Variants in VWA5B1 observed in about 807,000 individuals in gnomAD.
VWA5B1 encodes the protein von Willebrand factor A domain containing 5B1.
Under a neutral mutation model 118.2 loss-of-function variants are expected in VWA5B1, and 115 were observed. The observed-to-expected ratio is 0.97, with a 90% CI of 0.84 to 1.14. VWA5B1 has a LOEUF of 1.14. VWA5B1 is among the 50% of genes most tolerant of loss of function. The pLI is 0.00. For synonymous variants in VWA5B1, 682 were observed against 658.4 expected (o/e 1.04, Z -0.55); for missense variants, 1,596 against 1,603.8 (o/e 1.00, Z 0.08).
chr1:20,323,299 C>T, intron 7 of VWA5B1, 57 bp from the exon 8 acceptor site: 2 of 1,380,494 alleles, frequency 1.4e-6, no homozygotes, highest in Non-Finnish European at 1.9e-6. Flanking sequence ...CAGCATGAGT[C>T]CCCAGGAGTA....
chr1:20,305,899 G>A (rs1379041877), intron 1 of VWA5B1, among the ~76,000 whole-genome samples: 1 of 152,020 alleles, frequency 6.6e-6, no homozygotes, highest in Non-Finnish European at 1.5e-5. Context: ...CGGAACCCAT[G>A]CAAAACCCAG....
At chr1:20,326,771 T>C (rs898290242) in intron 8 of VWA5B1, among the ~76,000 whole-genome samples, 8 of 152,232 alleles carry the variant, frequency 5.3e-5, no homozygotes, top group African/African-American at 1.9e-4. Flanking sequence ...TTAAAGCCTC[T>C]GTCATTAGTC....
rs1399282151 is a variant in VWA5B1 at position 20,318,616 on chromosome 1, C to T, written c.736C>T (p.Arg246Cys). Residue 246 changes from arginine (R) to cysteine (C), a missense_variant, in exon 6 of 22, where the codon CGT (arginine) becomes TGT (cysteine). By Grantham distance (180) the Arg-to-Cys change is radical (BLOSUM62 -3). Coordinates refer to ENST00000289815, the MANE Select transcript of VWA5B1 (RefSeq NM_001039500.3). Reference protein sequence around the residue: ...AGVESPTHEIRADAAPSARSA... With the variant: ...AGVESPTHEICADAAPSARSA... ...GGTGGAGAGTCCCACTCATGAGATT[C>T]GTGCCGACGCCGCCCCATCTGCCCG... 21 of 1,551,220 alleles carry T rather than the reference C, an allele frequency of 1.4e-5. No individual in the cohort carries two copies. Among genetic ancestry groups the T allele is most frequent in the African/African-American group, 2.7e-5 (2 of 73,014 alleles).
At position 20,342,298 on chromosome 1, in the gene VWA5B1, A is replaced by G. The variant is rs1280629500; in HGVS notation, c.2134-134A>G. ...CCAGGAGGAGCTGCTGTGCCCCAGG[A>G]AAGAGCTGGTGGGGTGGGGGTGGGG... On this transcript the variant is annotated intron_variant, in intron 14 of 21. Transcript: ENST00000289815. 3.3e-6 allele frequency: 3 copies of G among 900,778 alleles called. No homozygotes were observed. In the Admixed American group the frequency reaches 8.0e-5, roughly 24 times the overall value. 55.8% of individuals were successfully genotyped at this position (900,778 alleles called of 1,614,324 possible). A position where few individuals can be genotyped will look rare whatever the true frequency, so the allele number is the denominator to read the frequency against.
rs540894455 is a variant in VWA5B1, at chr1:20,306,352, C to T, written c.-26-4224C>T. Among the ~76,000 whole-genome samples, 198 of 151,844 alleles carry T rather than the reference C, an allele frequency of 1.3e-3. 3 individuals carry two copies. Among genetic ancestry groups the T allele is most frequent in the Non-Finnish European group, 6.6e-4 (45 of 67,934 alleles). ...CTCAGATCAATGGGGGCTTGAGGGA[C>T]GTGGGGGCCATCAGGGAGTTTGAGC... On this transcript the variant is annotated intron_variant, in intron 1 of 21. Coordinates refer to ENST00000289815, the MANE Select transcript of VWA5B1 (RefSeq NM_001039500.3).
chr1:20,318,072 G>A (rs114975243), intron 5 of VWA5B1, among the ~76,000 whole-genome samples: 114 of 149,484 alleles, frequency 7.6e-4, no homozygotes, highest in Middle Eastern at 3.4e-3. Flanking sequence ...TGAGTTCCAG[G>A]CATGGAAACA....
chr1:20,299,193 T>C (rs1438498913), intron 1 of VWA5B1, among the ~76,000 whole-genome samples: 5 of 152,068 alleles, frequency 3.3e-5, no homozygotes, highest in African/African-American at 1.2e-4. Context: ...TAAACCTGGT[T>C]GGCAATGGGA....
intron 12 of VWA5B1, among the ~76,000 whole-genome samples, chr1:20,335,056 C>T (rs2089673623): frequency 6.6e-6 from 1 of 152,198 alleles, no homozygotes; most frequent in Admixed American, 6.5e-5. Context: ...CACCTGTAAT[C>T]CCAGCACTTT....
At chr1:20,350,643 G>A (rs921731916) in intron 19 of VWA5B1, among the ~76,000 whole-genome samples, 1 of 152,166 alleles carries the variant, frequency 6.6e-6, no homozygotes, top group Non-Finnish European at 1.5e-5. Context: ...GCCGGCCAAG[G>A]AATCTTAGAG....
rs369881324 is a variant in VWA5B1, at chr1:20,323,448, G to A, written c.1059G>A (p.Pro353=). 36 of 1,537,794 alleles carry A rather than the reference G, an allele frequency of 2.3e-5. No individual in the cohort carries two copies. The highest frequency in any genetic ancestry group is 4.1e-5 in the African/African-American group (3 of 72,322). Residue 353 remains proline, a synonymous_variant, in exon 8 of 22, where the codon CCG becomes CCA. Transcript: ENST00000289815. The part of the protein sequence containing the change: ...NFCPDLQSVQ[P]CLRKAHGEFI... Reference sequence around the variant, plus strand: ...GTCCCGACCTCCAGTCAGTCCAGCCGTGCCTGAGAAAGGCCCACGGGGAGT... The same window carrying A: ...GTCCCGACCTCCAGTCAGTCCAGCCATGCCTGAGAAAGGCCCACGGGGAGT...
At position 20,354,428 on chromosome 1, in the gene VWA5B1, G is replaced by A; in HGVS notation, c.*165G>A. On this transcript the variant is annotated 3_prime_UTR_variant, in exon 22 of 22. Coordinates refer to ENST00000289815, the MANE Select transcript of VWA5B1 (RefSeq NM_001039500.3). ...GAGGCCTGAGTTCAATCCCAACTTT[G>A]CTACCATCCAGCCATGCAACTTTAG... 1 of 888,736 alleles carries A rather than the reference G, an allele frequency of 1.1e-6. No individual in the cohort carries two copies. The highest frequency in any genetic ancestry group is 1.7e-6 in the Non-Finnish European group (1 of 603,460). The allele number at this position is 888,736 out of a possible 1,614,324, so 55.1% of individuals were successfully genotyped here. A position where few individuals can be genotyped will look rare whatever the true frequency, so the allele number is the denominator to read the frequency against.
At chr1:20,306,005 G>A (rs2088641423) in intron 1 of VWA5B1, among the ~76,000 whole-genome samples, 1 of 152,016 alleles carries the variant, frequency 6.6e-6, no homozygotes, top group Non-Finnish European at 1.5e-5. Flanking sequence ...ACAGTTCAAG[G>A]TACTAAGGAT....
At position 20,327,797 on chromosome 1, in the gene VWA5B1, T is replaced by C. The variant is rs1478584995; in HGVS notation, c.1144-93T>C. On this transcript the variant is annotated intron_variant, in intron 8 of 21. Coordinates refer to ENST00000289815, the MANE Select transcript of VWA5B1 (RefSeq NM_001039500.3). ...GGAGGGTAAAGGTCTGTTTGGAGGC[T>C]GCTCGTGTGCTGGGAAAGGGAATAT... The C allele has an allele frequency of 6.5e-6, 7 of 1,070,872 alleles. No individual in the cohort carries two copies. In the East Asian group the frequency reaches 1.8e-4, roughly 28 times the overall value. The allele number at this position is 1,070,872 out of a possible 1,614,324, so 66.3% of individuals were successfully genotyped here.
rs116026839 is a variant in VWA5B1, at chr1:20,341,026, T to C, written c.2134-1406T>C. The stretch of plus-strand genomic sequence containing the variant: ...GAGATTTGACTAACGTATATGGTCA[T>C]GTAATCATCGCCACAATGAGGTTAC... On this transcript the variant is annotated intron_variant, in intron 14 of 21. Transcript: ENST00000289815. Among the ~76,000 whole-genome samples the C allele has an allele frequency of 5.5e-3, 838 of 152,358 alleles. 15 individuals carry two copies. Among genetic ancestry groups the C allele is most frequent in the African/African-American group, 0.019 (789 of 41,584 alleles).
At chr1:20,320,204 T>G (rs2089164093) in intron 7 of VWA5B1, among the ~76,000 whole-genome samples, 1 of 152,216 alleles carries the variant, frequency 6.6e-6, no homozygotes, top group Admixed American at 6.5e-5. Context: ...AACTGAGATC[T>G]GGCACCCAAA....
intron 4 of VWA5B1, among the ~76,000 whole-genome samples, chr1:20,314,940 A>G (rs997197236): frequency 6.6e-6 from 1 of 152,150 alleles, no homozygotes; most frequent in Non-Finnish European, 1.5e-5. Context: ...AGAGAAAGAG[A>G]AAAACCAACA....
chr1:20,350,028 G>A, intron 18 of VWA5B1, 128 bp from the exon 19 acceptor site: 1 of 869,580 alleles, frequency 1.1e-6, no homozygotes, highest in South Asian at 1.5e-5. Flanking sequence ...TCCGAGCAGG[G>A]GTGGAAACCC....
In VWA5B1 at chr1:20,332,837, G is replaced by C; in HGVS notation, c.1644G>C (p.Glu548Asp). 2 of 1,551,798 alleles carry C rather than the reference G, an allele frequency of 1.3e-6. No individual in the cohort carries two copies. Among genetic ancestry groups the C allele is most frequent in the Non-Finnish European group, 1.7e-6 (2 of 1,147,032 alleles). The change falls in exon 12 of 22, where the codon GAG becomes GAC. Residue 548 changes from glutamate to aspartate, a missense_variant. Transcript: ENST00000289815. ...TGACTGTGGAGTGGATCTTCCCTGA[G>C]ACCACTGAGGTCCTGGTCTCACCCG... ...SDVTVEWIFP[E>D]TTEVLVSPVS...
At chr1:20,297,996 A>AT (rs60497976) in intron 1 of VWA5B1, among the ~76,000 whole-genome samples, 1,506 of 126,476 alleles carry the variant, frequency 0.012, 31 homozygotes, top group Non-Finnish European at 0.014. Context: ...TCGGTGGTGG[A>AT]TTTTTTTTTT....
Sources: gnomAD v4.1 joint callset for allele counts (sites outside exome capture counted in the v4.1 genomes callset) on GRCh38, gnomAD v4.1.1 for gene constraint, MANE v1.5 for transcripts, NCBI Gene and HGNC (gene_info 2026-07-23, HGNC 2026-07-21) for gene names.